CAMK4: variants seen among roughly 807,000 people sequenced by gnomAD.
The protein encoded by CAMK4 is calcium/calmodulin-dependent protein kinase type IV.
In CAMK4, 22 loss-of-function variants were observed where a neutral mutation model predicts 44.9. The ratio of observed to expected loss-of-function variants is 0.49; its 90% CI spans 0.35 to 0.70. The LOEUF (loss-of-function observed/expected upper bound fraction) is 0.70. Ranked by LOEUF, CAMK4 falls within the 30% of genes least tolerant of loss-of-function variation. The pLI is 0.01. For missense variants in CAMK4, 498 were observed against 586.8 expected, an observed-to-expected ratio of 0.85 and a Z score of 1.56; for synonymous variants, 218 against 215.4, an observed-to-expected ratio of 1.01 and a Z score of -0.11.
At chr5:111,451,334 T>C (rs1324055723) in intron 7 of CAMK4, among the ~76,000 whole-genome samples, 1 of 152,052 alleles carries the variant, frequency 6.6e-6, no homozygotes, top group Non-Finnish European at 1.5e-5. Context: ...AAATCTTCAT[T>C]TTAATATATA....
chr5:111,338,027 A>G (rs1264661258), intron 1 of CAMK4, among the ~76,000 whole-genome samples: 1 of 151,180 alleles, frequency 6.6e-6, no homozygotes, highest in East Asian at 1.9e-4. Flanking sequence ...TTCCCAAATG[A>G]CTAATGATGC....
At chr5:111,468,473 T>C (rs537147689) in intron 7 of CAMK4, among the ~76,000 whole-genome samples, 2 of 152,342 alleles carry the variant, frequency 1.3e-5, no homozygotes, top group South Asian at 4.1e-4. Flanking sequence ...TTTCTTGAAC[T>C]AAATTGAAAG....
intron 5 of CAMK4, among the ~76,000 whole-genome samples, chr5:111,404,697 GC>G (rs1468694861): frequency 6.6e-6 from 1 of 152,116 alleles, no homozygotes; most frequent in Non-Finnish European, 1.5e-5. Context: ...TGTCTAAACT[GC>G]AAAAGGGAGG....
intron 1 of CAMK4, among the ~76,000 whole-genome samples, chr5:111,310,121 G>C (rs750719657): frequency 2.6e-5 from 4 of 151,962 alleles, no homozygotes; most frequent in Non-Finnish European, 4.4e-5. Flanking sequence ...ATTCAACCTC[G>C]TTTTGGGGGT....
At chr5:111,333,455 T>C (rs888837860) in intron 1 of CAMK4, among the ~76,000 whole-genome samples, 3 of 151,708 alleles carry the variant, frequency 2.0e-5, no homozygotes, top group African/African-American at 7.2e-5. Flanking sequence ...CTTTATTCCA[T>C]AGTTTTATTG....
At chr5:111,256,924 G>A (rs1040967594) in intron 1 of CAMK4, among the ~76,000 whole-genome samples, 3 of 151,930 alleles carry the variant, frequency 2.0e-5, no homozygotes, top group East Asian at 1.9e-4. Context: ...AGACAAATCC[G>A]TTAAAAAAAT....
chr5:111,224,215 G>C (rs1446339864), upstream of CAMK4: 6 of 315,916 alleles, frequency 1.9e-5, no homozygotes, highest in South Asian at 7.6e-5. This position sits in a 1 kb window ranked among gnomAD's most constrained non-coding sequence, Gnocchi z 5.7. Flanking sequence ...GAAGGAGCGA[G>C]GGGGAGGGAG....
chr5:111,420,891 A>C (rs1753002468), intron 5 of CAMK4, among the ~76,000 whole-genome samples: 1 of 152,164 alleles, frequency 6.6e-6, no homozygotes. Flanking sequence ...TCAAACACAC[A>C]TGCTGTACAG....
intron 1 of CAMK4, among the ~76,000 whole-genome samples, chr5:111,241,407 C>A (rs545664769): frequency 1.3e-5 from 2 of 152,162 alleles, no homozygotes; most frequent in Admixed American, 6.5e-5. Context: ...GGAAGAATAC[C>A]ACAAAAATGA....
rs76319199 is a variant in CAMK4 at position 111,295,875 on chromosome 5, A to G, written c.162-48149A>G. 4.0e-3 allele frequency among the ~76,000 whole-genome samples: 602 copies of G among 152,340 alleles called. 5 individuals carry two copies. The highest frequency in any genetic ancestry group is 0.013 in the African/African-American group (557 of 41,572). On this transcript the variant is annotated intron_variant, in intron 1 of 10. Transcript: ENST00000282356. Reference sequence around the variant, plus strand: ...TTCAAAAAGTGAGGTTGAAGCATATAACAAAAATTGGAGTTTGGGATAATG... The same window carrying G: ...TTCAAAAAGTGAGGTTGAAGCATATGACAAAAATTGGAGTTTGGGATAATG...
chr5:111,344,091 TTAAA>T lies in CAMK4; in HGVS notation c.230_233del (p.Leu77Ter). On this transcript the variant is annotated frameshift_variant, in exon 2 of 11. Transcript: ENST00000282356. LOFTEE classifies it high-confidence loss of function. ...CCAGAAGCCTTATGCTCTCAAAGTGTTAAAGAAAACAGTAAGTTTATTTCTTATA... is the reference window on the plus strand; with the variant it reads ...CCAGAAGCCTTATGCTCTCAAAGTGTGAAAACAGTAAGTTTATTTCTTATA... 6.3e-7 allele frequency: 1 copy of T among 1,595,804 alleles called. No individual in the cohort carries two copies. Among genetic ancestry groups the T allele is most frequent in the Non-Finnish European group, 8.6e-7 (1 of 1,164,286 alleles).
In CAMK4 at chr5:111,482,952, A is replaced by G. The variant is rs776013778; in HGVS notation, c.981+15A>G. The G allele has an allele frequency of 6.3e-7, 1 of 1,581,096 alleles. No homozygotes were observed. The stretch of plus-strand genomic sequence containing the variant: ...GTAAGCTTAAGGTAAGATAGCATAT[A>G]TTTTGTTTTGTTTTGTTTTGTTTTC... On this transcript the variant is annotated intron_variant, in intron 10 of 10. Coordinates refer to ENST00000282356, the MANE Select transcript of CAMK4 (RefSeq NM_001744.6). The surrounding 1 kb of genome is among the most constrained non-coding windows in gnomAD (Gnocchi z 4.9).
intron 1 of CAMK4, among the ~76,000 whole-genome samples, chr5:111,272,093 CTGTG>C (rs376057166): frequency 1.3e-5 from 2 of 151,118 alleles, no homozygotes; most frequent in Non-Finnish European, 3.0e-5. Flanking sequence ...AGACAGCCCT[CTGTG>C]TGTGTGTGTT....
chr5:111,413,568 C>T (rs1366215704), intron 5 of CAMK4, among the ~76,000 whole-genome samples: 2 of 130,578 alleles, frequency 1.5e-5, no homozygotes, highest in Admixed American at 7.5e-5. Flanking sequence ...CAGAGCAACA[C>T]TCCATCTCAA....
Position 111,359,247 on chromosome 5 carries a change from A to T in CAMK4, c.240+15145A>T, listed in dbSNP as rs200370901. The stretch of plus-strand genomic sequence containing the variant: ...CCAGCATCTGTGATTTTTTTGACTA[A>T]TAGTAACCATTGTGACTGGTGTGAG... On this transcript the variant is annotated intron_variant, in intron 2 of 10. Coordinates refer to ENST00000282356, the MANE Select transcript of CAMK4 (RefSeq NM_001744.6). Among the ~76,000 whole-genome samples, 6 of 3,274 alleles carry T rather than the reference A, an allele frequency of 1.8e-3. 2 individuals are homozygous for T. Among genetic ancestry groups the T allele is most frequent in the Non-Finnish European group, 2.4e-3 (2 of 820 alleles). The allele number at this position is 3,274 out of a possible 152,430, so 2.1% of individuals were successfully genotyped here.
chr5:111,487,840 C>T lies in CAMK4; in HGVS notation c.*3374C>T, dbSNP rs1177123707. 1.3e-5 allele frequency: 2 copies of T among 152,126 alleles called. No homozygotes were observed. Among genetic ancestry groups the T allele is most frequent in the African/African-American group, 2.4e-5 (1 of 41,416 alleles). 9.4% of individuals were successfully genotyped at this position (152,126 alleles called of 1,614,324 possible). ...TGGCCTCAGTTTTCACATTGAGGAG[C>T]TGGTGGGAGGCCACAAAGAAAGTGT... On this transcript the variant is annotated 3_prime_UTR_variant, in exon 11 of 11. Transcript: ENST00000282356.
chr5:111,291,398 CT>C (rs1470381045), intron 1 of CAMK4, among the ~76,000 whole-genome samples: 2 of 152,190 alleles, frequency 1.3e-5, no homozygotes, highest in Non-Finnish European at 2.9e-5. Context: ...TATAGACACA[CT>C]TCATTGCTTT....
intron 5 of CAMK4, among the ~76,000 whole-genome samples, chr5:111,440,796 C>G (rs1753795721): frequency 6.6e-6 from 1 of 152,152 alleles, no homozygotes; most frequent in South Asian, 2.1e-4. Flanking sequence ...CAAGTATTTT[C>G]TGATCAAAGT....
chr5:111,274,395 A>T (rs938599873), intron 1 of CAMK4, among the ~76,000 whole-genome samples: 1 of 152,196 alleles, frequency 6.6e-6, no homozygotes, highest in Non-Finnish European at 1.5e-5. Context: ...TTGCTAATAC[A>T]TCCCCAAGGC....
Sources: gnomAD v4.1 joint callset for allele counts (sites outside exome capture counted in the v4.1 genomes callset) on GRCh38, gnomAD v4.1.1 for gene constraint, Gnocchi (gnomAD v3.1) non-coding constraint, MANE v1.5 for transcripts, NCBI Gene and HGNC (gene_info 2026-07-23, HGNC 2026-07-21) for gene names.